Variants in PPP2R5E observed in about 807,000 individuals in gnomAD.
PPP2R5E encodes the protein serine/threonine-protein phosphatase 2A 56 kDa regulatory subunit epsilon isoform.
A neutral mutation model predicts 65.3 loss-of-function variants in PPP2R5E; 4 were observed. The ratio of observed to expected loss-of-function variants is 0.06; its 90% CI spans 0.03 to 0.14. PPP2R5E has a LOEUF of 0.14. Ranked by LOEUF, PPP2R5E falls within the 10% of genes least tolerant of loss-of-function variation. PPP2R5E has a pLI of 1.00. For synonymous variants in PPP2R5E, 183 were observed against 187.4 expected, an observed-to-expected ratio of 0.98 and a Z score of 0.19; for missense variants, 274 against 556.1, an observed-to-expected ratio of 0.49 and a Z score of 5.10.
At chr14:63,417,871 C>T (rs1380280185) in intron 4 of PPP2R5E, among the ~76,000 whole-genome samples, 1 of 152,102 alleles carries the variant, frequency 6.6e-6, no homozygotes, top group East Asian at 1.9e-4. Context: ...ATCATATATA[C>T]AGCACTGTTA....
chr14:63,396,106 G>T, intron 6 of PPP2R5E, among the ~76,000 whole-genome samples: 1 of 42,706 alleles, frequency 2.3e-5, no homozygotes, highest in Non-Finnish European at 4.9e-5. Flanking sequence ...GAGGGGGCAG[G>T]AGAGGAGGAG....
intron 3 of PPP2R5E, among the ~76,000 whole-genome samples, chr14:63,428,195 T>C (rs1306329538): frequency 6.6e-6 from 1 of 152,190 alleles, no homozygotes; most frequent in East Asian, 1.9e-4. Flanking sequence ...CACAGTTTCC[T>C]TTCCGGTACT....
chr14:63,448,561 T>TG (rs1888635827), intron 3 of PPP2R5E, among the ~76,000 whole-genome samples: 2 of 151,926 alleles, frequency 1.3e-5, no homozygotes, highest in African/African-American at 2.4e-5. Context: ...GAGGCTGAGG[T>TG]GGGTAGATCA....
chr14:63,408,923 C>T (rs1389561537), intron 5 of PPP2R5E, among the ~76,000 whole-genome samples: 3 of 152,258 alleles, frequency 2.0e-5, no homozygotes, highest in Admixed American at 6.5e-5. Context: ...GGTGAAACCA[C>T]GTCTCTACCA....
At chr14:63,432,683 GAAGA>G (rs775351395) in intron 3 of PPP2R5E, among the ~76,000 whole-genome samples, 21 of 152,056 alleles carry the variant, frequency 1.4e-4, no homozygotes, top group Non-Finnish European at 2.4e-4. Flanking sequence ...GAAGGGGAGG[GAAGA>G]AAGAAAGAAA....
At chr14:63,442,904 A>C (rs1888305889) in intron 3 of PPP2R5E, among the ~76,000 whole-genome samples, 1 of 152,190 alleles carries the variant, frequency 6.6e-6, no homozygotes, top group Non-Finnish European at 1.5e-5. Flanking sequence ...TTATCATTCC[A>C]AAGCTACTTT....
intron 2 of PPP2R5E, among the ~76,000 whole-genome samples, chr14:63,499,522 C>T (rs1194603089): frequency 2.0e-5 from 3 of 152,044 alleles, no homozygotes; most frequent in South Asian, 2.1e-4. Context: ...GTCAGGAGTT[C>T]GAGACCAGCC....
intron 3 of PPP2R5E, among the ~76,000 whole-genome samples, chr14:63,439,921 T>C (rs1335384367): frequency 1.3e-5 from 2 of 152,196 alleles, no homozygotes; most frequent in African/African-American, 4.8e-5. Context: ...CAAACAGCTA[T>C]CCACTGAGCA....
chr14:63,491,981 A>C (rs561218112), intron 2 of PPP2R5E, among the ~76,000 whole-genome samples: 2 of 152,148 alleles, frequency 1.3e-5, no homozygotes, highest in Non-Finnish European at 2.9e-5. Context: ...AAAGTAAGAC[A>C]ATAAAGGAAA....
At chr14:63,463,950 T>C (rs985336394) in intron 2 of PPP2R5E, among the ~76,000 whole-genome samples, 1 of 151,926 alleles carries the variant, frequency 6.6e-6, no homozygotes, top group Non-Finnish European at 1.5e-5. Context: ...AAGAGAAAAA[T>C]AGGGAAAAAA....
chr14:63,518,927 A>G (rs572852373), intron 2 of PPP2R5E, among the ~76,000 whole-genome samples: 1 of 152,146 alleles, frequency 6.6e-6, no homozygotes, highest in African/African-American at 2.4e-5. Flanking sequence ...AAAATAAAAA[A>G]AATAAAAGAG....
chr14:63,495,447 T>G lies in PPP2R5E; in HGVS notation c.158-41562A>C, dbSNP rs1208520904. Among the ~76,000 whole-genome samples the G allele has an allele frequency of 4.4e-5, 6 of 136,692 alleles. No homozygotes were observed. The South Asian group carries it at 1.1e-3, about 26-fold the overall frequency. 89.7% of individuals were successfully genotyped at this position (136,692 alleles called of 152,430 possible). ...AAAAAAAAAAAAATTAGCTGGGCAA[T>G]GTGGTGACCTGTAATCCCAGCAACT... On this transcript the variant is annotated intron_variant, in intron 2 of 13. Transcript: ENST00000337537.
At chr14:63,466,734 AACTT>A (rs1221035830) in intron 2 of PPP2R5E, among the ~76,000 whole-genome samples, 1 of 152,174 alleles carries the variant, frequency 6.6e-6, no homozygotes, top group East Asian at 1.9e-4. Flanking sequence ...AAGACGGAGA[AACTT>A]ACAAGTGTGT....
chr14:63,524,510 T>C (rs1048884130), intron 2 of PPP2R5E, among the ~76,000 whole-genome samples: 1 of 152,124 alleles, frequency 6.6e-6, no homozygotes, highest in Non-Finnish European at 1.5e-5. Flanking sequence ...CCTCAGTTCA[T>C]AAAGCTAAGA....
intron 2 of PPP2R5E, among the ~76,000 whole-genome samples, chr14:63,488,021 C>T (rs187540420): frequency 1.3e-5 from 2 of 152,232 alleles, no homozygotes; most frequent in Non-Finnish European, 2.9e-5. Flanking sequence ...CTGGGAAGCA[C>T]CTTTTACATT....
At chr14:63,433,910 CTCTGATGGACCAAGGTAGTAACCACTGTT>C (rs1887823119) in intron 3 of PPP2R5E, among the ~76,000 whole-genome samples, 1 of 152,178 alleles carries the variant, frequency 6.6e-6, no homozygotes, top group Non-Finnish European at 1.5e-5. Context: ...GTTCAGCTTT[CTCTGATGGACCAAGGTAGTAACCACTGTT>C]CATTTGCTTT....
chr14:63,394,563 C>T (rs532498420), intron 7 of PPP2R5E, among the ~76,000 whole-genome samples: 1 of 152,292 alleles, frequency 6.6e-6, no homozygotes, highest in South Asian at 2.1e-4. Flanking sequence ...AATAATGGCC[C>T]GCCTTGCTTG....
chr14:63,418,295 T>A (rs757300025), intron 4 of PPP2R5E, among the ~76,000 whole-genome samples: 2 of 152,220 alleles, frequency 1.3e-5, no homozygotes, highest in African/African-American at 4.8e-5. Context: ...GATTCTCATC[T>A]TCTAAGCTGG....
intron 2 of PPP2R5E, among the ~76,000 whole-genome samples, chr14:63,527,840 C>G (rs1893241473): frequency 6.6e-6 from 1 of 151,348 alleles, no homozygotes; most frequent in Non-Finnish European, 1.5e-5. Flanking sequence ...GAGGCTGAGG[C>G]AGAAGAATTG....
Sources: gnomAD v4.1 joint callset for allele counts (sites outside exome capture counted in the v4.1 genomes callset) on GRCh38, gnomAD v4.1.1 for gene constraint, MANE v1.5 for transcripts, NCBI Gene and HGNC (gene_info 2026-07-23, HGNC 2026-07-21) for gene names.